Variants in CTRC observed in about 807,000 individuals in gnomAD.
CTRC encodes the protein chymotrypsin-C.
Under a neutral mutation model 35.7 loss-of-function variants are expected in CTRC, and 32 were observed. The ratio of observed to expected loss-of-function variants is 0.90; its 90% CI spans 0.68 to 1.20. The LOEUF is 1.20. CTRC is among the 50% of genes most tolerant of loss of function. The pLI, the probability that CTRC is intolerant of heterozygous loss-of-function variation, is 0.00. For missense variants in CTRC, 324 were observed against 361.5 expected (o/e 0.90, Z 0.84); for synonymous variants, 119 against 149.5 (o/e 0.80, Z 1.49).
At position 15,446,488 on chromosome 1, in the gene CTRC, C is replaced by T. The variant is rs375875575; in HGVS notation, c.793-87C>T. 1.4e-4 allele frequency: 202 copies of T among 1,394,312 alleles called. 2 individuals carry two copies. The highest frequency in any genetic ancestry group is 1.3e-3 in the East Asian group (55 of 43,810). The allele number at this position is 1,394,312 out of a possible 1,614,324, so 86.4% of individuals were successfully genotyped here. On this transcript the variant is annotated intron_variant, in intron 7 of 7. Transcript: ENST00000375949. ...GGCCGGGGGCTGCTGGCCATGCCCC[C>T]ATGGACCCACCCTCCGGGCAGAGCC...
Position 15,446,957 on chromosome 1 carries a change from G to T in CTRC, c.*368G>T. 1 of 387,652 alleles carries T rather than the reference G, an allele frequency of 2.6e-6. No individual in the cohort carries two copies. Among genetic ancestry groups the T allele is most frequent in the Non-Finnish European group, 4.9e-6 (1 of 203,006 alleles). The allele number at this position is 387,652 out of a possible 1,614,324, so 24.0% of individuals were successfully genotyped here. A position where few individuals can be genotyped will look rare whatever the true frequency, so the allele number is the denominator to read the frequency against. On this transcript the variant is annotated 3_prime_UTR_variant, in exon 8 of 8. Transcript: ENST00000375949. ...ACAAGCTGCGAACAGGTGAGACCCT[G>T]ATGAAATCACTCGCTTCTCCGATCC...
intron 3 of CTRC, among the ~76,000 whole-genome samples, chr1:15,442,242 T>A (rs548770787): frequency 6.6e-6 from 1 of 152,200 alleles, no homozygotes; most frequent in East Asian, 1.9e-4. Context: ...GGCACAAGGC[T>A]ACACAGCCAG....
intron 7 of CTRC, among the ~76,000 whole-genome samples, 158 bp downstream of exon 7, chr1:15,445,907 CACTT>C (rs1458162915): frequency 3.3e-5 from 5 of 152,226 alleles, no homozygotes; most frequent in Non-Finnish European, 5.9e-5. Flanking sequence ...TTCATTTATT[CACTT>C]ATTCAGTCAC....
intron 3 of CTRC, among the ~76,000 whole-genome samples, chr1:15,441,725 A>T (rs1457178557): frequency 2.7e-5 from 4 of 149,800 alleles, no homozygotes; most frequent in Non-Finnish European, 5.9e-5. Flanking sequence ...ACAGAGTCTC[A>T]TTTAGTGGTA....
At chr1:15,444,278 G>C (rs116145413) in intron 5 of CTRC, among the ~76,000 whole-genome samples, 6 of 151,794 alleles carry the variant, frequency 4.0e-5, no homozygotes, top group Admixed American at 3.9e-4. Flanking sequence ...AAAAGAAAGA[G>C]AAATAGAAAA....
Position 15,446,586 on chromosome 1 carries a change from G to A in CTRC, c.804G>A (p.Leu268=). The change falls in exon 8 of 8, where the codon CTG becomes CTA. Residue 268 remains leucine, a synonymous_variant. Coordinates refer to ENST00000375949, the MANE Select transcript of CTRC (RefSeq NM_007272.3). ...YIDWINEKMQ[L] is the part of the protein sequence containing the mutation. The stretch of plus-strand genomic sequence containing the variant: ...CTCTGCTCCTCCAGAAAATGCAGCT[G>A]TGATTTGTTGCTGGGAGCGGCGGCA... 1 of 1,614,248 alleles carries A rather than the reference G, an allele frequency of 6.2e-7. No individual in the cohort carries two copies. Among genetic ancestry groups the A allele is most frequent in the Admixed American group, 1.7e-5 (1 of 60,036 alleles).
chr1:15,441,136 C>T (rs11576687), intron 3 of CTRC, among the ~76,000 whole-genome samples: 18,074 of 152,018 alleles, frequency 0.12, 1,384 homozygotes, highest in South Asian at 0.26. Context: ...GCCGAGATGG[C>T]GCCACTGCAC....
At chr1:15,438,562 G>A in intron 1 of CTRC, 58 bp downstream of exon 1, 1 of 1,600,478 alleles carries the variant, frequency 6.2e-7, no homozygotes, top group Non-Finnish European at 8.5e-7. Context: ...GGCCTCCAGG[G>A]CAAGGACGGG....
chr1:15,444,189 T>G (rs1264538028), intron 5 of CTRC, among the ~76,000 whole-genome samples: 2 of 151,934 alleles, frequency 1.3e-5, no homozygotes, highest in African/African-American at 4.8e-5. Flanking sequence ...CCCAGGGGTT[T>G]GAGGCTGCAG....
chr1:15,445,575 A>G lies in CTRC; in HGVS notation c.640-22A>G, dbSNP rs769089707. ...CCTCTGGGGGGGGGCCTGGTGGCTT[A>G]TGCCCTCCCGGTCTGGTGCAGGGGG... On this transcript the variant is annotated intron_variant, in intron 6 of 7. Coordinates refer to ENST00000375949, the MANE Select transcript of CTRC (RefSeq NM_007272.3). 5 of 1,612,294 alleles carry G rather than the reference A, an allele frequency of 3.1e-6. No individual in the cohort carries two copies. The South Asian group carries it at 4.4e-5, about 14-fold the overall frequency.
At position 15,445,839 on chromosome 1, in the gene CTRC, T is replaced by TATTC. The variant is rs1023252013; in HGVS notation, c.792+102_792+105dup. The TATTC allele has an allele frequency of 2.8e-6, 4 of 1,454,292 alleles. No homozygotes were observed. The Admixed American group carries it at 6.7e-5, about 24-fold the overall frequency. The allele number at this position is 1,454,292 out of a possible 1,614,324, so 90.1% of individuals were successfully genotyped here. A position where few individuals can be genotyped will look rare whatever the true frequency, so the allele number is the denominator to read the frequency against. On this transcript the variant is annotated intron_variant, in intron 7 of 7. Transcript: ENST00000375949. ...TCACTCATTCACTCATTCATGCGTTTATTCATTCATTCATTTATTCACTCA... is the reference window on the plus strand; with the variant it reads ...TCACTCATTCACTCATTCATGCGTTTATTCATTCATTCATTCATTTATTCACTCA...
intron 4 of CTRC, among the ~76,000 whole-genome samples, chr1:15,442,940 A>C (rs1421428223): frequency 6.6e-6 from 1 of 152,208 alleles, no homozygotes; most frequent in Non-Finnish European, 1.5e-5. Context: ...ACCAAGGCTC[A>C]GAGAGGTTAA....
At chr1:15,441,076 A>T (rs1401012879) in intron 3 of CTRC, among the ~76,000 whole-genome samples, 1 of 152,134 alleles carries the variant, frequency 6.6e-6, no homozygotes, top group African/African-American at 2.4e-5. Context: ...GCTACTCGGG[A>T]GGCTGAGGTA....
chr1:15,440,222 A>AC, intron 1 of CTRC, 78 bp from the exon 2 acceptor site: 1 of 644,286 alleles, frequency 1.6e-6, no homozygotes, highest in South Asian at 1.5e-5. Context: ...TGCTTCTTCC[A>AC]CCTGCCCACC....
At chr1:15,440,226 GCCCAC>G in intron 1 of CTRC, 69 bp from the exon 2 acceptor site, 1 of 523,580 alleles carries the variant, frequency 1.9e-6, no homozygotes, top group Non-Finnish European at 3.7e-6. Flanking sequence ...TCTTCCACCT[GCCCAC>G]CCTCCCACCC....
rs1480242423 is a variant in CTRC, at chr1:15,449,156, C to T, written c.*2567C>T. The T allele has an allele frequency of 6.6e-6, 1 of 152,164 alleles. No homozygotes were observed. Among genetic ancestry groups the T allele is most frequent in the African/African-American group, 2.4e-5 (1 of 41,440 alleles). The allele number at this position is 152,164 out of a possible 1,614,324, so 9.4% of individuals were successfully genotyped here. On this transcript the variant is annotated 3_prime_UTR_variant, in exon 8 of 8. Transcript: ENST00000375949. ...AGACTTTAGTGATCTGACTCCAGGG[C>T]CTGTGCTCTTGTCCACCATGCTCTG...
At position 15,440,570 on chromosome 1, in the gene CTRC, C is replaced by A. The variant is rs766739002; in HGVS notation, c.210C>A (p.Leu70=). The change falls in exon 3 of 8, where the codon CTC becomes CTA. Residue 70 remains leucine, a synonymous_variant. Transcript: ENST00000375949. ...GGTLIASNFV[L]TAAHCISNTR... ...CTTTGATTGCTAGCAACTTCGTCCT[C>A]ACTGCCGCCCACTGCATCAGGTGTG... is the stretch of plus-strand genomic sequence containing the variant. 1.3e-5 allele frequency: 21 copies of A among 1,614,004 alleles called. No individual in the cohort carries two copies. Among genetic ancestry groups the A allele is most frequent in the Non-Finnish European group, 1.8e-5 (21 of 1,180,012 alleles).
chr1:15,446,693 C>T lies in CTRC; in HGVS notation c.*104C>T, dbSNP rs1410161843. 6 of 1,336,416 alleles carry T rather than the reference C, an allele frequency of 4.5e-6. No homozygotes were observed. The highest frequency in any genetic ancestry group is 4.3e-5 in the African/African-American group (3 of 69,374). 82.8% of individuals were successfully genotyped at this position (1,336,416 alleles called of 1,614,324 possible). On this transcript the variant is annotated 3_prime_UTR_variant, in exon 8 of 8. Transcript: ENST00000375949. ...TTTGTGCAGCTTCTGTTGCTTCCCT[C>T]CTCTCTGGTGCTGCCCCTTTCCACA...
At chr1:15,438,723 G>A (rs1305267120) in intron 1 of CTRC, among the ~76,000 whole-genome samples, 3 of 152,174 alleles carry the variant, frequency 2.0e-5, no homozygotes, top group Non-Finnish European at 2.9e-5. Flanking sequence ...ATGATCTGAC[G>A]TGTCCCCAGT....
Sources: allele counts gnomAD v4.1 joint callset (sites outside exome capture counted in the v4.1 genomes callset), GRCh38; gene constraint gnomAD v4.1.1; transcripts MANE v1.5; gene names NCBI Gene and HGNC (gene_info 2026-07-23, HGNC 2026-07-21).